Variants in PI4KA observed in about 807,000 individuals in gnomAD.
PI4KA encodes phosphatidylinositol 4-kinase alpha, also known as PI4-kinase alpha.
Under a neutral mutation model 271.4 loss-of-function variants are expected in PI4KA, and 122 were observed. That is an observed-to-expected ratio of 0.45 (90% CI 0.39 to 0.52). The LOEUF is 0.52. Among genes scored for constraint, PI4KA ranks in the 20% least tolerant of loss-of-function variants. The probability of loss-of-function intolerance (pLI) is 0.00; values close to 1 mark genes in which losing one functional copy is unlikely to be tolerated. For missense variants in PI4KA, 1,969 were observed against 2,769.1 expected (o/e 0.71, Z 6.48); for synonymous variants, 1,041 against 1,078.8 (o/e 0.96, Z 0.69).
chr22:20,712,179 T>C (rs959826856), intron 50 of PI4KA, among the ~76,000 whole-genome samples: 4 of 151,956 alleles, frequency 2.6e-5, no homozygotes, highest in Admixed American at 2.6e-4. Flanking sequence ...TGCCTCAGCC[T>C]CCTGAGTAGC....
intron 36 of PI4KA, among the ~76,000 whole-genome samples, chr22:20,731,602 TG>T (rs1928058544): frequency 6.6e-6 from 1 of 152,086 alleles, no homozygotes; most frequent in Non-Finnish European, 1.5e-5. Context: ...GAGACCAGCC[TG>T]GCCAATATGG....
intron 19 of PI4KA, among the ~76,000 whole-genome samples, chr22:20,768,228 C>T (rs1932711185): frequency 6.6e-6 from 1 of 151,918 alleles, no homozygotes; most frequent in South Asian, 2.1e-4. Context: ...CAAACAGACA[C>T]CTTACTGACT....
intron 45 of PI4KA, among the ~76,000 whole-genome samples, chr22:20,716,424 C>T (rs1454288053): frequency 2.0e-5 from 3 of 152,122 alleles, no homozygotes; most frequent in Admixed American, 6.5e-5. Context: ...TGTTTCTGGC[C>T]AAGGAACTGC....
chr22:20,770,477 C>T (rs1932817480), intron 19 of PI4KA, among the ~76,000 whole-genome samples: 1 of 146,124 alleles, frequency 6.8e-6, no homozygotes, highest in Non-Finnish European at 1.5e-5. Flanking sequence ...TGAGCCACTG[C>T]ACTCCAGCCT....
chr22:20,797,054 T>C (rs1935029508), intron 17 of PI4KA, among the ~76,000 whole-genome samples: 1 of 152,138 alleles, frequency 6.6e-6, no homozygotes, highest in Non-Finnish European at 1.5e-5. Flanking sequence ...TTTCTCTTCG[T>C]AGGATCACGG....
chr22:20,843,908 T>C (rs1925918028), intron 1 of PI4KA, among the ~76,000 whole-genome samples: 1 of 152,140 alleles, frequency 6.6e-6, no homozygotes. Context: ...CCCAGGCCGC[T>C]ATGTATCAAT....
intron 19 of PI4KA, among the ~76,000 whole-genome samples, chr22:20,776,566 T>G (rs1323524674): frequency 6.6e-6 from 1 of 152,124 alleles, no homozygotes; most frequent in Non-Finnish European, 1.5e-5. Context: ...ACCCAAGGAA[T>G]GGGACTGGCA....
intron 18 of PI4KA, among the ~76,000 whole-genome samples, chr22:20,794,241 T>TTA (rs1159777604): frequency 1.3e-5 from 2 of 152,216 alleles, no homozygotes; most frequent in Non-Finnish European, 2.9e-5. Flanking sequence ...AGACCTTAGT[T>TTA]TAATTTATAA....
rs361962 is a variant in PI4KA at position 20,833,657 on chromosome 22, GTTTTT to G, written c.367+900_367+904del. Among the ~76,000 whole-genome samples, 376 of 73,042 alleles carry G rather than the reference GTTTTT, an allele frequency of 5.1e-3. 2 individuals carry two copies. Among genetic ancestry groups the G allele is most frequent in the Non-Finnish European group, 7.9e-3 (306 of 38,778 alleles). 47.9% of individuals were successfully genotyped at this position (73,042 alleles called of 152,430 possible). A position where few individuals can be genotyped will look rare whatever the true frequency, so the allele number is the denominator to read the frequency against. On this transcript the variant is annotated intron_variant, in intron 3 of 54. Transcript: ENST00000255882. ...CCCAGACTAGTTTTGGTTTGTTTTT[GTTTTT>G]TTTTTTTTTTTTTTTTGAGACGGAG...
chr22:20,734,720 T>C (rs1023696896), intron 32 of PI4KA, 167 bp from the exon 33 acceptor site: 1 of 796,590 alleles, frequency 1.3e-6, no homozygotes, highest in Non-Finnish European at 2.0e-6. Flanking sequence ...CATCCCAGGG[T>C]CATCTGTGTC....
At chr22:20,842,329 C>G (rs576792225) in intron 1 of PI4KA, among the ~76,000 whole-genome samples, 1 of 152,266 alleles carries the variant, frequency 6.6e-6, no homozygotes, top group Admixed American at 6.5e-5. Flanking sequence ...GATTTCAGTC[C>G]AGTGAAACAC....
At chr22:20,828,884 A>C (rs1221289375) in intron 3 of PI4KA, among the ~76,000 whole-genome samples, 1 of 152,166 alleles carries the variant, frequency 6.6e-6, no homozygotes. Context: ...AGGGATATTG[A>C]ATTTTATGAA....
At chr22:20,831,089 T>C (rs550307555) in intron 3 of PI4KA, among the ~76,000 whole-genome samples, 3 of 152,194 alleles carry the variant, frequency 2.0e-5, no homozygotes, top group East Asian at 3.9e-4. Flanking sequence ...TGTGTTTCTG[T>C]AGTGGTTGGT....
chr22:20,842,815 A>AG, intron 1 of PI4KA, among the ~76,000 whole-genome samples: 1 of 109,278 alleles, frequency 9.2e-6, no homozygotes, highest in South Asian at 3.1e-4. Context: ...ACTCTGTCTC[A>AG]AAAAAAAAAA....
At chr22:20,751,838 C>G (rs1930733447) in intron 25 of PI4KA, 83 bp from the exon 26 acceptor site, 1 of 1,231,462 alleles carries the variant, frequency 8.1e-7, no homozygotes, top group African/African-American at 1.5e-5. Context: ...GCTGCCAGCC[C>G]GAGCCCATAT....
At position 20,851,327 on chromosome 22, in the gene PI4KA, T is replaced by A. The variant is rs1211699861; in HGVS notation, c.156+7243A>T. ...TTTTGCTTTCATAATAGTATAGCCT[T>A]GGGTTTTTTTTGTTGTTGTTGTTGT... is the stretch of plus-strand genomic sequence containing the variant. On this transcript the variant is annotated intron_variant, in intron 1 of 54. Coordinates refer to ENST00000255882, the MANE Select transcript of PI4KA (RefSeq NM_058004.4). Among the ~76,000 whole-genome samples the A allele has an allele frequency of 2.6e-5, 4 of 151,978 alleles. No individual in the cohort carries two copies. In the East Asian group the frequency reaches 7.7e-4, roughly 29 times the overall value.
intron 50 of PI4KA, among the ~76,000 whole-genome samples, chr22:20,711,800 A>G (rs1925314610): frequency 1.3e-5 from 2 of 151,924 alleles, no homozygotes. Context: ...GCTGGAGTGC[A>G]GTGGCATGAT....
chr22:20,832,476 C>G (rs187151633), intron 3 of PI4KA, among the ~76,000 whole-genome samples: 2 of 147,416 alleles, frequency 1.4e-5, no homozygotes, highest in African/African-American at 5.0e-5. Flanking sequence ...CTTTTTGAGA[C>G]GGAGTCTCAC....
rs1345518841 is a variant in PI4KA, at chr22:20,707,915, C to T, written c.*132G>A. The T allele has an allele frequency of 1.2e-5, 10 of 837,854 alleles. No individual in the cohort carries two copies. The highest frequency in any genetic ancestry group is 6.9e-5 in the Admixed American group (4 of 58,218). The allele number at this position is 837,854 out of a possible 1,614,324, so 51.9% of individuals were successfully genotyped here. The stretch of plus-strand genomic sequence containing the variant: ...GCCACCCACGTGCTGCCCCAGGAGG[C>T]GCTACCAGGTTCTTTGGGCCACAGG... On this transcript the variant is annotated 3_prime_UTR_variant, in exon 55 of 55. Transcript: ENST00000255882.
Sources: gnomAD v4.1 joint callset for allele counts (sites outside exome capture counted in the v4.1 genomes callset) on GRCh38, gnomAD v4.1.1 for gene constraint, MANE v1.5 for transcripts, NCBI Gene and HGNC (gene_info 2026-07-23, HGNC 2026-07-21) for gene names.